The following SAMD12 variants were observed in gnomAD, a reference collection of about 807,000 sequenced individuals.
SAMD12 encodes sterile alpha motif domain containing 12.
A neutral mutation model predicts 15.0 loss-of-function variants in SAMD12; 9 were observed. The ratio of observed to expected loss-of-function variants is 0.60; its 90% CI spans 0.36 to 1.05. SAMD12 has a LOEUF of 1.05. SAMD12 is among the 50% of genes least tolerant of loss of function. The pLI is 0.01. For missense variants in SAMD12, 230 were observed against 234.2 expected, an observed-to-expected ratio of 0.98 and a Z score of 0.12; for synonymous variants, 86 against 90.1, an observed-to-expected ratio of 0.96 and a Z score of 0.25.
chr8:118,538,839 C>A (rs1332327817), intron 2 of SAMD12, among the ~76,000 whole-genome samples: 1 of 152,344 alleles, frequency 6.6e-6, no homozygotes, highest in East Asian at 1.9e-4. Flanking sequence ...CCATCCTGCT[C>A]TGCCTCCCCT....
At chr8:118,442,538 A>G (rs1194009041) in intron 2 of SAMD12, among the ~76,000 whole-genome samples, 3 of 152,188 alleles carry the variant, frequency 2.0e-5, no homozygotes, top group African/African-American at 7.2e-5. Context: ...AAATGAATAA[A>G]TGTTTTTATT....
chr8:118,195,989 G>A (rs1819547516), exon 5 of SAMD12: 1 of 152,232 alleles, frequency 6.6e-6, no homozygotes, highest in Non-Finnish European at 1.5e-5. Context: ...GTGCTGACCT[G>A]CCGAAGGGCC....
chr8:118,327,023 CAT>C (rs1816598472), intron 4 of SAMD12, among the ~76,000 whole-genome samples: 1 of 152,200 alleles, frequency 6.6e-6, no homozygotes, highest in African/African-American at 2.4e-5. Context: ...CTGACATGCA[CAT>C]GAGTGATCCC....
chr8:118,616,919 G>T (rs1828253403), intron 1 of SAMD12, among the ~76,000 whole-genome samples: 1 of 152,222 alleles, frequency 6.6e-6, no homozygotes, highest in Admixed American at 6.5e-5. Context: ...GGTTGCACAT[G>T]CCTTATGAGA....
rs141394683 is a variant in SAMD12 at position 118,529,865 on chromosome 8, A to G, written c.192+50850T>C. Among the ~76,000 whole-genome samples, 297 of 152,314 alleles carry G rather than the reference A, an allele frequency of 1.9e-3. 1 individual carries two copies. Among genetic ancestry groups the G allele is most frequent in the African/African-American group, 6.9e-3 (287 of 41,558 alleles). ...CGAGTGCAGGTATCTTTATGATATA[A>G]CAATCTCTTTTCCTTTGGGTAGATA... On this transcript the variant is annotated intron_variant, in intron 2 of 3. Transcript: ENST00000314727.
At chr8:118,457,300 C>T (rs754638795) in intron 2 of SAMD12, among the ~76,000 whole-genome samples, 3 of 150,028 alleles carry the variant, frequency 2.0e-5, no homozygotes, top group Non-Finnish European at 4.4e-5. Context: ...GCATGATCAT[C>T]GCTCACTGCA....
chr8:118,427,560 C>T (rs1327753680), intron 3 of SAMD12, among the ~76,000 whole-genome samples: 1 of 152,092 alleles, frequency 6.6e-6, no homozygotes, highest in East Asian at 1.9e-4. Context: ...TAATATGTGC[C>T]CTTTTGGGTT....
At chr8:118,397,945 C>T (rs1325529790) in intron 3 of SAMD12, among the ~76,000 whole-genome samples, 1 of 152,174 alleles carries the variant, frequency 6.6e-6, no homozygotes, top group East Asian at 1.9e-4. Flanking sequence ...GCACATATCA[C>T]CATGCCTGGA....
At chr8:118,260,428 A>G (rs1813050553) in intron 4 of SAMD12, among the ~76,000 whole-genome samples, 1 of 152,100 alleles carries the variant, frequency 6.6e-6, no homozygotes. Context: ...GTTAATTACT[A>G]TGGATTATTA....
intron 1 of SAMD12, among the ~76,000 whole-genome samples, chr8:118,612,763 T>G (rs1388201820): frequency 6.6e-6 from 1 of 152,268 alleles, no homozygotes; most frequent in East Asian, 1.9e-4. Flanking sequence ...TGTAAGCAAC[T>G]GCTTTTAGTG....
At chr8:118,234,336 T>C (rs78212691) in intron 4 of SAMD12, among the ~76,000 whole-genome samples, 1 of 152,140 alleles carries the variant, frequency 6.6e-6, no homozygotes, top group Non-Finnish European at 1.5e-5. Flanking sequence ...ATATTTATCA[T>C]CATCTGAAAT....
chr8:118,434,405 C>T (rs1398662993), intron 3 of SAMD12, among the ~76,000 whole-genome samples: 1 of 152,190 alleles, frequency 6.6e-6, no homozygotes, highest in African/African-American at 2.4e-5. Context: ...ACCCTTTATA[C>T]ATTCAAAGCA....
At chr8:118,334,755 C>T (rs1816977302) in intron 4 of SAMD12, among the ~76,000 whole-genome samples, 1 of 152,012 alleles carries the variant, frequency 6.6e-6, no homozygotes, top group Non-Finnish European at 1.5e-5. Context: ...ACCACCATAC[C>T]CGGCTAATTT....
intron 4 of SAMD12, among the ~76,000 whole-genome samples, chr8:118,348,014 C>G (rs1379217205): frequency 4.6e-5 from 7 of 152,186 alleles, no homozygotes; most frequent in African/African-American, 1.7e-4. Flanking sequence ...AGTTTCCTTA[C>G]CTGTAAAACA....
chr8:118,264,921 C>A (rs939197181), intron 4 of SAMD12, among the ~76,000 whole-genome samples: 1 of 152,136 alleles, frequency 6.6e-6, no homozygotes, highest in African/African-American at 2.4e-5. Flanking sequence ...ATGGTGACTG[C>A]GAGTTCTCTT....
chr8:118,362,719 G>A (rs1586602039), intron 4 of SAMD12, among the ~76,000 whole-genome samples: 1 of 152,266 alleles, frequency 6.6e-6, no homozygotes, highest in Non-Finnish European at 1.5e-5. Flanking sequence ...AACCCTCATG[G>A]TCACTGTTAA....
intron 4 of SAMD12, among the ~76,000 whole-genome samples, chr8:118,303,750 G>A (rs1815167403): frequency 6.6e-6 from 1 of 151,920 alleles, no homozygotes; most frequent in African/African-American, 2.4e-5. Flanking sequence ...CATCATCAAT[G>A]TTGTCAGCAT....
At chr8:118,314,677 C>T (rs1815795176) in intron 4 of SAMD12, among the ~76,000 whole-genome samples, 1 of 152,142 alleles carries the variant, frequency 6.6e-6, no homozygotes, top group African/African-American at 2.4e-5. Context: ...TTTCTCCACT[C>T]AGCATAATTC....
chr8:118,349,041 A>G (rs1009650143), intron 4 of SAMD12, among the ~76,000 whole-genome samples: 2 of 152,238 alleles, frequency 1.3e-5, no homozygotes, highest in African/African-American at 4.8e-5. Flanking sequence ...ACAGCCTTCA[A>G]TTAAACCTGG....
Sources: gnomAD v4.1 joint callset for allele counts (sites outside exome capture counted in the v4.1 genomes callset) on GRCh38, gnomAD v4.1.1 for gene constraint, MANE v1.5 for transcripts, NCBI Gene and HGNC (gene_info 2026-07-23, HGNC 2026-07-21) for gene names.